Variants in NQO2 observed in about 807,000 individuals in gnomAD.
The protein encoded by NQO2 is N-ribosyldihydronicotinamide:quinone dehydrogenase 2, also known as ribosyldihydronicotinamide dehydrogenase [quinone].
In NQO2, 18 loss-of-function variants were observed where a neutral mutation model predicts 22.0. The observed-to-expected ratio is 0.82, with a 90% confidence interval of 0.56 to 1.21. NQO2 has a LOEUF of 1.21. NQO2 is among the 50% of genes most tolerant of loss of function. The probability of loss-of-function intolerance (pLI) is 0.00; values close to 1 mark genes in which losing one functional copy is unlikely to be tolerated. For synonymous variants in NQO2, 106 were observed against 110.8 expected (o/e 0.96, Z 0.28); for missense variants, 267 against 286.9 (o/e 0.93, Z 0.50).
intron 4 of NQO2, among the ~76,000 whole-genome samples, chr6:3,014,106 G>C (rs1038325572): frequency 6.6e-6 from 1 of 152,220 alleles, no homozygotes; most frequent in Non-Finnish European, 1.5e-5. Context: ...GGCAAGGCAG[G>C]GGGTGAGCGG....
chr6:3,017,308 T>C (rs1554108501), intron 6 of NQO2, among the ~76,000 whole-genome samples: 1 of 152,216 alleles, frequency 6.6e-6, no homozygotes, highest in Non-Finnish European at 1.5e-5. Flanking sequence ...GTCAGCAGAA[T>C]GGCCCCAAGG....
chr6:3,000,091 T>C lies in NQO2; in HGVS notation c.-86+6T>C, dbSNP rs1470872234. On this transcript the variant is annotated splice_donor_region_variant and intron_variant, in intron 1 of 6. Transcript: ENST00000380455. ...GGGAGTGCGCTGGTCGGAAGGTGAG[T>C]GATCCCCTGTCGGGGACCGGGGGAC... 6.6e-6 allele frequency: 1 copy of C among 152,376 alleles called. No homozygotes were observed. Among genetic ancestry groups the C allele is most frequent in the Non-Finnish European group, 1.5e-5 (1 of 68,238 alleles). The allele number at this position is 152,376 out of a possible 1,614,324, so 9.4% of individuals were successfully genotyped here.
At chr6:3,010,797 G>C (rs980706918) in intron 3 of NQO2, among the ~76,000 whole-genome samples, 1 of 152,108 alleles carries the variant, frequency 6.6e-6, no homozygotes, top group Non-Finnish European at 1.5e-5. Context: ...CTGGGCATGA[G>C]CTGCTAGCCA....
chr6:3,016,809 C>T lies in NQO2; in HGVS notation c.418-75C>T, dbSNP rs138527839. 338 of 1,573,210 alleles carry T rather than the reference C, an allele frequency of 2.1e-4. No individual in the cohort carries two copies. The African/African-American group carries it at 3.4e-3, about 16-fold the overall frequency. On this transcript the variant is annotated intron_variant, in intron 5 of 6. Transcript: ENST00000380455. ...TGTTCCCTGCTGGCTGTGCTGAGCC[C>T]GTGTGCTGGAGGCTCAGCAACATTT...
In NQO2 at chr6:3,015,627, A is replaced by G. The variant is rs760178686; in HGVS notation, c.401A>G (p.Asp134Gly). The G allele has an allele frequency of 6.2e-6, 10 of 1,614,138 alleles. No individual in the cohort carries two copies. The East Asian group carries it at 2.2e-4, about 36-fold the overall frequency. Residue 134 changes from aspartate (D) to glycine (G), a missense_variant, in exon 5 of 7, where the codon GAT becomes GGT. Transcript: ENST00000380455. ...GCCTTTGACATCCCAGGATTCTACG[A>G]TTCCGGTTTGCTCCAGGTATGTGCT... is the stretch of plus-strand genomic sequence containing the variant. The part of the protein sequence containing the change: ...GFAFDIPGFY[D>G]SGLLQGKLAL...
intron 1 of NQO2, among the ~76,000 whole-genome samples, chr6:3,001,381 C>T (rs1214758886): frequency 1.2e-4 from 18 of 152,046 alleles, no homozygotes; most frequent in African/African-American, 4.3e-4. Context: ...CCACTGCGCC[C>T]GGCCAAAAAT....
At chr6:3,015,995 C>T (rs1445598169) in intron 5 of NQO2, among the ~76,000 whole-genome samples, 2 of 151,814 alleles carry the variant, frequency 1.3e-5, no homozygotes, top group South Asian at 2.1e-4. Flanking sequence ...AGAGCCCAGC[C>T]CTGGCCTGGC....
intron 3 of NQO2, chr6:3,012,287 C>G (rs1385492474): frequency 3.1e-6 from 2 of 638,800 alleles, no homozygotes; most frequent in Admixed American, 6.3e-5. Flanking sequence ...GGGAAATACA[C>G]CAGTCTCACC....
At chr6:3,011,384 GC>G (rs1433541227) in intron 3 of NQO2, among the ~76,000 whole-genome samples, 1 of 152,138 alleles carries the variant, frequency 6.6e-6, no homozygotes, top group Non-Finnish European at 1.5e-5. Context: ...GAACTCAAAG[GC>G]AGGTGATTTG....
In NQO2 at chr6:3,006,194, C is replaced by A; in HGVS notation, c.-85-274C>A. On this transcript the variant is annotated intron_variant, in intron 1 of 6. Transcript: ENST00000380455. This position sits in a 1 kb window ranked among gnomAD's most constrained non-coding sequence, Gnocchi z 4.0. Reference sequence around the variant, plus strand: ...GGCCAAGGAGGCTCAACTCCTGCTTCCTACCGTGGCTCATTTCCTGGGTCC... The same window carrying A: ...GGCCAAGGAGGCTCAACTCCTGCTTACTACCGTGGCTCATTTCCTGGGTCC... 2.8e-6 allele frequency: 1 copy of A among 355,682 alleles called. No homozygotes were observed. The highest frequency in any genetic ancestry group is 3.9e-6 in the Non-Finnish European group (1 of 254,564). 22.0% of individuals were successfully genotyped at this position (355,682 alleles called of 1,614,324 possible). A position where few individuals can be genotyped will look rare whatever the true frequency, so the allele number is the denominator to read the frequency against.
rs1266037679 is a variant in NQO2, at chr6:3,000,047, A to C, written c.-124A>C. 6.6e-6 allele frequency: 1 copy of C among 152,386 alleles called. No homozygotes were observed. 9.4% of individuals were successfully genotyped at this position (152,386 alleles called of 1,614,324 possible). Reference sequence around the variant, plus strand: ...CGGTCCTTGGGGAGACGCGGGTCCCAGTCCTGCGGCTCCTACTGGGGAGTG... The same window carrying C: ...CGGTCCTTGGGGAGACGCGGGTCCCCGTCCTGCGGCTCCTACTGGGGAGTG... On this transcript the variant is annotated 5_prime_UTR_variant, in exon 1 of 7. Coordinates refer to ENST00000380455, the MANE Select transcript of NQO2 (RefSeq NM_000904.6).
At chr6:3,003,810 T>C in intron 1 of NQO2, 1 of 956,240 alleles carries the variant, frequency 1.0e-6, no homozygotes, top group Non-Finnish European at 1.2e-6. Context: ...ACAAAGCCTG[T>C]GCCTGGAGCA....
At chr6:3,002,780 G>A (rs568534072) in intron 1 of NQO2, among the ~76,000 whole-genome samples, 12 of 151,904 alleles carry the variant, frequency 7.9e-5, no homozygotes, top group African/African-American at 2.2e-4. Flanking sequence ...CAGCCAAACA[G>A]GCTTTCTTTT....
At position 3,016,974 on chromosome 6, in the gene NQO2, T is replaced by G; in HGVS notation, c.508T>G (p.Trp170Gly). ...CAATGGAGATTCTCGATACTTCCTG[T>G]GGCCACTCCAGGTAGACCAGCTGCG... Reference protein sequence around the residue: ...GVNGDSRYFLWPLQHGTLHFC... With the variant: ...GVNGDSRYFLGPLQHGTLHFC... Residue 170 changes from tryptophan to glycine, a missense_variant, in exon 6 of 7, where the codon TGG (tryptophan) becomes GGG (glycine). Trp to Gly is a radical substitution (Grantham distance 184, BLOSUM62 -2). Coordinates refer to ENST00000380455, the MANE Select transcript of NQO2 (RefSeq NM_000904.6). 6.2e-7 allele frequency: 1 copy of G among 1,613,904 alleles called. No homozygotes were observed. Among genetic ancestry groups the G allele is most frequent in the Non-Finnish European group, 8.5e-7 (1 of 1,179,970 alleles).
At chr6:3,001,204 C>G (rs13216426) in intron 1 of NQO2, among the ~76,000 whole-genome samples, 3 of 151,684 alleles carry the variant, frequency 2.0e-5, no homozygotes, top group Non-Finnish European at 2.9e-5. Flanking sequence ...ATTCTCCTGC[C>G]TCAGTCTCCC....
intron 3 of NQO2, among the ~76,000 whole-genome samples, chr6:3,010,434 A>G (rs1376102144): frequency 6.6e-6 from 1 of 151,798 alleles, no homozygotes; most frequent in Non-Finnish European, 1.5e-5. Context: ...TTGGACTATC[A>G]TATCCACGAC....
chr6:3,002,148 G>T (rs1313765233), intron 1 of NQO2: 17 of 933,290 alleles, frequency 1.8e-5, no homozygotes, highest in Non-Finnish European at 2.0e-5. Context: ...GTGAGCTGGG[G>T]ACACTGAAGA....
At chr6:3,012,913 C>G (rs1342221050) in intron 4 of NQO2, among the ~76,000 whole-genome samples, 1 of 144,986 alleles carries the variant, frequency 6.9e-6, no homozygotes, top group South Asian at 2.2e-4. Flanking sequence ...AGTTACAACA[C>G]TACTTTAAAC....
chr6:3,019,705 G>A lies in NQO2; in HGVS notation c.*50G>A, dbSNP rs761904146. The A allele has an allele frequency of 1.4e-5, 21 of 1,454,984 alleles. No homozygotes were observed. Among genetic ancestry groups the A allele is most frequent in the Admixed American group, 6.6e-5 (3 of 45,122 alleles). 90.1% of individuals were successfully genotyped at this position (1,454,984 alleles called of 1,614,324 possible). Reference sequence around the variant, plus strand: ...AAGCAGCACACTAGGAGGCCCAGGCGCAGGCAAAGAGAAGATGGTGCTGTC... The same window carrying A: ...AAGCAGCACACTAGGAGGCCCAGGCACAGGCAAAGAGAAGATGGTGCTGTC... On this transcript the variant is annotated 3_prime_UTR_variant, in exon 7 of 7. Coordinates refer to ENST00000380455, the MANE Select transcript of NQO2 (RefSeq NM_000904.6).
Sources: allele counts gnomAD v4.1 joint callset (sites outside exome capture counted in the v4.1 genomes callset), GRCh38; gene constraint gnomAD v4.1.1; non-coding constraint Gnocchi (gnomAD v3.1); transcripts MANE v1.5; gene names NCBI Gene and HGNC (gene_info 2026-07-23, HGNC 2026-07-21).